The following FHIT variants were observed in gnomAD, a reference collection of about 807,000 sequenced individuals.
FHIT encodes fragile histidine triad diadenosine triphosphatase, also known as bis(5'-adenosyl)-triphosphatase.
A neutral mutation model predicts 17.9 loss-of-function variants in FHIT; 19 were observed. That is an observed-to-expected ratio of 1.06 (90% confidence interval 0.74 to 1.56). The LOEUF (loss-of-function observed/expected upper bound fraction) is 1.56. Among genes scored for constraint, FHIT ranks in the 40% most tolerant of loss-of-function variants. The pLI, the probability that FHIT is intolerant of heterozygous loss-of-function variation, is 0.00. For synonymous variants in FHIT, 81 were observed against 69.7 expected, an observed-to-expected ratio of 1.16 and a Z score of -0.81; for missense variants, 248 against 189.2, an observed-to-expected ratio of 1.31 and a Z score of -1.82.
At chr3:60,338,203 C>CA (rs1311153754) in intron 5 of FHIT, among the ~76,000 whole-genome samples, 1 of 152,078 alleles carries the variant, frequency 6.6e-6, no homozygotes. Context: ...CACCACATTC[C>CA]ACTTTAAGAC....
chr3:61,222,259 G>A (rs2039859208), intron 1 of FHIT, among the ~76,000 whole-genome samples: 2 of 152,206 alleles, frequency 1.3e-5, no homozygotes, highest in South Asian at 4.1e-4. Context: ...CAGGATGCCA[G>A]GAATTAAATG....
chr3:60,438,135 T>C (rs2030440656), intron 5 of FHIT, among the ~76,000 whole-genome samples: 1 of 152,062 alleles, frequency 6.6e-6, no homozygotes, highest in Non-Finnish European at 1.5e-5. Context: ...CCCCAGCATT[T>C]GCACCGTAGT....
chr3:60,496,591 G>A (rs2034309325), intron 5 of FHIT, among the ~76,000 whole-genome samples: 1 of 152,176 alleles, frequency 6.6e-6, no homozygotes, highest in Non-Finnish European at 1.5e-5. Context: ...GCTCTCCAAT[G>A]TTGGAGAAAT....
chr3:60,487,881 C>T (rs2033907399), intron 5 of FHIT, among the ~76,000 whole-genome samples: 1 of 152,156 alleles, frequency 6.6e-6, no homozygotes, highest in Non-Finnish European at 1.5e-5. Context: ...TGACAGAGTT[C>T]AAGTTCATTA....
chr3:61,047,171 G>T (rs1242978769), intron 2 of FHIT, among the ~76,000 whole-genome samples: 1 of 152,176 alleles, frequency 6.6e-6, no homozygotes, highest in East Asian at 1.9e-4. Flanking sequence ...TATTCAATTA[G>T]GAAAAGAGTA....
At chr3:60,507,064 A>G (rs757152230) in intron 5 of FHIT, among the ~76,000 whole-genome samples, 1 of 152,234 alleles carries the variant, frequency 6.6e-6, no homozygotes, top group African/African-American at 2.4e-5. Context: ...ATTCTAGCAC[A>G]TGTGAATTAC....
At chr3:59,807,130 A>G (rs1346193436) in intron 8 of FHIT, among the ~76,000 whole-genome samples, 1 of 152,178 alleles carries the variant, frequency 6.6e-6, no homozygotes, top group African/African-American at 2.4e-5. Context: ...GAGCAAAATA[A>G]GAGATATATA....
chr3:60,949,033 T>C (rs1239548045), intron 3 of FHIT, among the ~76,000 whole-genome samples: 1 of 152,194 alleles, frequency 6.6e-6, no homozygotes, highest in African/African-American at 2.4e-5. Context: ...TTGTATATAG[T>C]TGAAGCGTAG....
chr3:60,104,315 T>C (rs1190036178), intron 5 of FHIT, among the ~76,000 whole-genome samples: 2 of 152,168 alleles, frequency 1.3e-5, no homozygotes, highest in East Asian at 1.9e-4. Context: ...CTGCTTGGTA[T>C]AAAGAATTCT....
chr3:59,968,964 C>T (rs917124448), intron 7 of FHIT, among the ~76,000 whole-genome samples: 1 of 152,158 alleles, frequency 6.6e-6, no homozygotes, highest in Non-Finnish European at 1.5e-5. Context: ...GTCTCTTCAT[C>T]TTCGAATTTT....
At chr3:60,486,698 G>C (rs1365717763) in intron 5 of FHIT, among the ~76,000 whole-genome samples, 2 of 152,090 alleles carry the variant, frequency 1.3e-5, no homozygotes, top group Non-Finnish European at 2.9e-5. Context: ...ATGTACTTTT[G>C]ATGAACAAAG....
At chr3:59,792,246 T>C (rs922346446) in intron 8 of FHIT, among the ~76,000 whole-genome samples, 2 of 152,186 alleles carry the variant, frequency 1.3e-5, no homozygotes, top group African/African-American at 4.8e-5. Flanking sequence ...TTTCAACTGG[T>C]AATTGAGGGC....
intron 5 of FHIT, among the ~76,000 whole-genome samples, chr3:60,445,320 G>C (rs1342867929): frequency 6.6e-6 from 1 of 152,004 alleles, no homozygotes; most frequent in Non-Finnish European, 1.5e-5. Context: ...AAAGCACTCA[G>C]GGTAACCTGT....
chr3:61,201,306 A>T (rs1023583724), intron 1 of FHIT, among the ~76,000 whole-genome samples: 5 of 152,248 alleles, frequency 3.3e-5, no homozygotes, highest in Non-Finnish European at 7.3e-5. Context: ...CATAAATACT[A>T]TGCACTGACC....
chr3:60,132,482 T>A (rs1326116321), intron 5 of FHIT, among the ~76,000 whole-genome samples: 1 of 152,200 alleles, frequency 6.6e-6, no homozygotes, highest in Non-Finnish European at 1.5e-5. Context: ...GTTAATGGTA[T>A]TGGCAAACAT....
chr3:60,574,989 C>T (rs965133176), intron 4 of FHIT, among the ~76,000 whole-genome samples: 22 of 151,756 alleles, frequency 1.4e-4, no homozygotes, highest in African/African-American at 5.1e-4. Flanking sequence ...TTGTGCCTGT[C>T]ACATCTTTAT....
At chr3:59,956,367 C>T (rs9834844) in intron 7 of FHIT, among the ~76,000 whole-genome samples, 68,502 of 151,722 alleles carry the variant, frequency 0.45, 15,663 homozygotes, top group Admixed American at 0.53. Context: ...GACCTATTTG[C>T]CAAAAAAGAA....
intron 3 of FHIT, among the ~76,000 whole-genome samples, chr3:60,949,330 CA>C (rs1708777822): frequency 6.6e-6 from 1 of 152,186 alleles, no homozygotes; most frequent in Non-Finnish European, 1.5e-5. Flanking sequence ...GCCAGCCTTT[CA>C]ACCTTGCTAT....
At chr3:61,148,418 T>C (rs983595286) in intron 2 of FHIT, among the ~76,000 whole-genome samples, 5 of 152,170 alleles carry the variant, frequency 3.3e-5, no homozygotes, top group Non-Finnish European at 7.4e-5. Flanking sequence ...TTGATTCCTT[T>C]TGTCAGCTAT....
Sources: allele counts gnomAD v4.1 joint callset (sites outside exome capture counted in the v4.1 genomes callset), GRCh38; gene constraint gnomAD v4.1.1; transcripts MANE v1.5; gene names NCBI Gene and HGNC (gene_info 2026-07-23, HGNC 2026-07-21).